The following BICC1 variants were observed in gnomAD, a reference collection of about 807,000 sequenced individuals.
BICC1 encodes the protein BicC family RNA binding protein 1.
A neutral mutation model predicts 111.0 loss-of-function variants in BICC1; 43 were observed. That is an observed-to-expected ratio of 0.39 (90% CI 0.30 to 0.50). BICC1 has a LOEUF of 0.50. Ranked by LOEUF, BICC1 falls within the 20% of genes least tolerant of loss-of-function variation. The pLI is 0.88. For synonymous variants in BICC1, 467 were observed against 434.4 expected, an observed-to-expected ratio of 1.07 and a Z score of -0.93; for missense variants, 1,091 against 1,203.2, an observed-to-expected ratio of 0.91 and a Z score of 1.38.
intron 2 of BICC1, among the ~76,000 whole-genome samples, chr10:58,676,415 C>A (rs1839342777): frequency 6.6e-6 from 1 of 152,136 alleles, no homozygotes; most frequent in Non-Finnish European, 1.5e-5. Flanking sequence ...TCAAGTCAAT[C>A]TGGGATGCTC....
chr10:58,583,167 G>A (rs553112151), intron 1 of BICC1, among the ~76,000 whole-genome samples: 170 of 152,158 alleles, frequency 1.1e-3, no homozygotes, highest in African/African-American at 3.8e-3. Flanking sequence ...TGTCTTCCTC[G>A]CTTTCTAGAT....
intron 16 of BICC1, 38 bp from the exon 17 acceptor site, chr10:58,806,966 T>C: frequency 6.3e-7 from 1 of 1,581,234 alleles, no homozygotes; most frequent in African/African-American, 1.4e-5. Flanking sequence ...AGAAATGCAT[T>C]AAACATACCA....
intron 1 of BICC1, among the ~76,000 whole-genome samples, chr10:58,565,535 T>C (rs1564490112): frequency 6.6e-6 from 1 of 152,198 alleles, no homozygotes; most frequent in African/African-American, 2.4e-5. Context: ...AGCAGCTGGA[T>C]GCTACTGTCT....
intron 2 of BICC1, among the ~76,000 whole-genome samples, chr10:58,636,848 A>G (rs1242954854): frequency 1.3e-5 from 2 of 152,322 alleles, no homozygotes; most frequent in South Asian, 2.1e-4. Flanking sequence ...TGGTTGAAAT[A>G]TGCACTCAAA....
intron 1 of BICC1, among the ~76,000 whole-genome samples, chr10:58,517,063 A>G (rs985349255): frequency 6.6e-6 from 1 of 152,184 alleles, no homozygotes; most frequent in Admixed American, 6.5e-5. Flanking sequence ...ATTCCCATAT[A>G]TAACACAGCA....
chr10:58,530,455 C>A (rs557539922), intron 1 of BICC1, among the ~76,000 whole-genome samples: 1 of 151,650 alleles, frequency 6.6e-6, no homozygotes, highest in East Asian at 1.9e-4. Flanking sequence ...GCCTTTCCTG[C>A]GATTCTGTGT....
chr10:58,645,233 C>G (rs1250809976), intron 2 of BICC1, among the ~76,000 whole-genome samples: 1 of 151,878 alleles, frequency 6.6e-6, no homozygotes, highest in Non-Finnish European at 1.5e-5. Flanking sequence ...CTCGGTGAAA[C>G]TTTGTCTCTA....
At chr10:58,793,946 A>G in intron 9 of BICC1, among the ~76,000 whole-genome samples, 1 of 152,268 alleles carries the variant, frequency 6.6e-6, no homozygotes, top group South Asian at 2.1e-4. Context: ...TATAATATAT[A>G]TGTCATTATA....
intron 3 of BICC1, among the ~76,000 whole-genome samples, chr10:58,710,154 T>G (rs1357844821): frequency 6.6e-6 from 1 of 152,168 alleles, no homozygotes; most frequent in African/African-American, 2.4e-5. Flanking sequence ...GGTGGTAGTA[T>G]TTTCATTTTC....
chr10:58,580,184 C>T (rs762914296), intron 1 of BICC1, among the ~76,000 whole-genome samples: 7 of 151,944 alleles, frequency 4.6e-5, no homozygotes, highest in East Asian at 1.9e-4. Flanking sequence ...CCATCACACC[C>T]GGCTAATTTT....
intron 15 of BICC1, among the ~76,000 whole-genome samples, chr10:58,806,181 A>G (rs573888609): frequency 1.2e-4 from 19 of 152,322 alleles, no homozygotes; most frequent in African/African-American, 4.1e-4. Flanking sequence ...TTGAGACCCT[A>G]AGGGGGCCAA....
chr10:58,691,970 T>G (rs1359991517), intron 2 of BICC1, among the ~76,000 whole-genome samples: 1 of 152,248 alleles, frequency 6.6e-6, no homozygotes, highest in Non-Finnish European at 1.5e-5. Context: ...TTGTTGCCTC[T>G]TCTGTTCTCT....
chr10:58,560,876 A>C (rs1183520687), intron 1 of BICC1, among the ~76,000 whole-genome samples: 1 of 151,822 alleles, frequency 6.6e-6, no homozygotes, highest in Non-Finnish European at 1.5e-5. Flanking sequence ...CAAAGTTCTT[A>C]TTTATTCCTA....
intron 20 of BICC1, among the ~76,000 whole-genome samples, chr10:58,822,340 A>T (rs1476903200): frequency 6.6e-6 from 1 of 152,138 alleles, no homozygotes; most frequent in Non-Finnish European, 1.5e-5. Context: ...CAACAAGCAG[A>T]TAGCTGTAAA....
At chr10:58,531,009 G>GT (rs1390348567) in intron 1 of BICC1, among the ~76,000 whole-genome samples, 2 of 151,820 alleles carry the variant, frequency 1.3e-5, no homozygotes, top group African/African-American at 4.8e-5. Flanking sequence ...AAGAAAAGCT[G>GT]TTTCATTTCA....
intron 3 of BICC1, among the ~76,000 whole-genome samples, chr10:58,702,693 A>G (rs374322957): frequency 2.6e-5 from 4 of 152,208 alleles, no homozygotes; most frequent in Admixed American, 1.3e-4. Flanking sequence ...ATGAAACTAA[A>G]GGCCTCCCTA....
intron 3 of BICC1, among the ~76,000 whole-genome samples, chr10:58,732,192 A>G (rs975026970): frequency 2.0e-5 from 3 of 150,924 alleles, no homozygotes; most frequent in African/African-American, 7.3e-5. Context: ...TTGTAGGGTT[A>G]TTAATTGTCC....
At chr10:58,579,143 A>C (rs1844194962) in intron 1 of BICC1, among the ~76,000 whole-genome samples, 2 of 152,114 alleles carry the variant, frequency 1.3e-5, no homozygotes, top group African/African-American at 4.8e-5. Context: ...ACTGGGACCT[A>C]AGGCCATGTC....
At chr10:58,617,687 G>C (rs1588934625) in intron 1 of BICC1, among the ~76,000 whole-genome samples, 1 of 152,256 alleles carries the variant, frequency 6.6e-6, no homozygotes, top group Non-Finnish European at 1.5e-5. Context: ...ACGGTAATCT[G>C]CACCGACAGC....
Sources: allele counts gnomAD v4.1 joint callset (sites outside exome capture counted in the v4.1 genomes callset), GRCh38; gene constraint gnomAD v4.1.1; transcripts MANE v1.5; gene names NCBI Gene and HGNC (gene_info 2026-07-23, HGNC 2026-07-21).